Variants in PRR12 observed in about 807,000 individuals in gnomAD.
PRR12 encodes the protein proline-rich protein 12.
A neutral mutation model predicts 138.0 loss-of-function variants in PRR12; 12 were observed. The ratio of observed to expected loss-of-function variants is 0.09; its 90% CI spans 0.06 to 0.14. The LOEUF (loss-of-function observed/expected upper bound fraction) is 0.14, where lower values mean the gene tolerates loss of function less well. PRR12 is among the 10% of genes least tolerant of loss of function. PRR12 has a pLI of 1.00. For missense variants in PRR12, 2,692 were observed against 2,861.3 expected (o/e 0.94, Z 1.35); for synonymous variants, 1,567 against 1,291.7 (o/e 1.21, Z -4.57).
intron 11 of PRR12, among the ~76,000 whole-genome samples, chr19:49,622,920 TATATATATAG>T (rs990905592): frequency 4.7e-5 from 4 of 85,294 alleles, no homozygotes; most frequent in African/African-American, 2.3e-4. Context: ...TATATATATA[TATATATATAG>T]AGAGAGAGAG....
chr19:49,618,180 C>T (rs193060364), intron 9 of PRR12, among the ~76,000 whole-genome samples: 6 of 152,122 alleles, frequency 3.9e-5, no homozygotes, highest in Admixed American at 2.6e-4. Context: ...TCTTGTTGAC[C>T]GGCTGTTTGC....
chr19:49,614,467 C>T lies in PRR12; in HGVS notation c.4774-66C>T, dbSNP rs147945368. ...GGTGAGGGAAGCCAGTGGGCCAGGG[C>T]GTAGGGGCAGTAGGTCTAGGAATGA... On this transcript the variant is annotated intron_variant, in intron 6 of 13. Transcript: ENST00000418929. This position sits in a 1 kb window ranked among gnomAD's most constrained non-coding sequence, Gnocchi z 5.0. The T allele has an allele frequency of 1.9e-5, 22 of 1,179,468 alleles. No homozygotes were observed. In the East Asian group the frequency reaches 2.1e-4, roughly 11 times the overall value. The allele number at this position is 1,179,468 out of a possible 1,614,324, so 73.1% of individuals were successfully genotyped here. A position where few individuals can be genotyped will look rare whatever the true frequency, so the allele number is the denominator to read the frequency against.
At position 49,599,954 on chromosome 19, in the gene PRR12, G is replaced by A; in HGVS notation, c.4345+16G>A. On this transcript the variant is annotated intron_variant, in intron 5 of 13. Coordinates refer to ENST00000418929, the MANE Select transcript of PRR12 (RefSeq NM_020719.3). The surrounding 1 kb of genome is among the most constrained non-coding windows in gnomAD (Gnocchi z 5.0). ...GGCACTCCCGGTGAGCTCTGGGCAG[G>A]TGGTCTGGGAGTAGAGCTTAAAGGT... The A allele has an allele frequency of 6.3e-7, 1 of 1,578,694 alleles. No individual in the cohort carries two copies. The highest frequency in any genetic ancestry group is 2.3e-5 in the East Asian group (1 of 44,414).
chr19:49,594,794 C>T lies in PRR12; in HGVS notation c.459C>T (p.His153=), dbSNP rs757288794. The T allele has an allele frequency of 1.2e-6, 2 of 1,613,314 alleles. No individual in the cohort carries two copies. Among genetic ancestry groups the T allele is most frequent in the Non-Finnish European group, 1.7e-6 (2 of 1,179,782 alleles). The change falls in exon 4 of 14, where the codon CAC becomes CAT. Residue 153 remains histidine (H), a synonymous_variant. Transcript: ENST00000418929. The surrounding 1 kb of genome is among the most constrained non-coding windows in gnomAD (Gnocchi z 5.6). ...PSSSALSAYQ[H]PASFGSRPFP... The stretch of plus-strand genomic sequence containing the variant: ...CATCTGCCCTGTCGGCTTACCAACA[C>T]CCGGCTTCCTTCGGCAGCCGCCCCT...
At chr19:49,613,898 C>T (rs543030693) in intron 6 of PRR12, among the ~76,000 whole-genome samples, 3 of 152,230 alleles carry the variant, frequency 2.0e-5, no homozygotes, top group African/African-American at 2.4e-5. Flanking sequence ...CACCTGAGGT[C>T]GGGAGTTCAA....
intron 2 of PRR12, 141 bp downstream of exon 2, chr19:49,593,580 G>A: frequency 3.5e-6 from 2 of 568,188 alleles, no homozygotes; most frequent in South Asian, 4.2e-5. Flanking sequence ...CCTCTGATTG[G>A]TTGCCTTTGA....
In PRR12 at chr19:49,624,812, C is replaced by T. The variant is rs766262203; in HGVS notation, c.5722-32C>T. The stretch of plus-strand genomic sequence containing the variant: ...GGGTTTGGGGTTTATGGATCCAGGG[C>T]AGCATCCAGCTGACCCATTGGCTTC... On this transcript the variant is annotated intron_variant, in intron 11 of 13. Coordinates refer to ENST00000418929, the MANE Select transcript of PRR12 (RefSeq NM_020719.3). 6 of 1,602,244 alleles carry T rather than the reference C, an allele frequency of 3.7e-6. No homozygotes were observed. In the East Asian group the frequency reaches 1.3e-4, roughly 36 times the overall value.
At position 49,597,888 on chromosome 19, in the gene PRR12, G is replaced by C. The variant is rs1320517106; in HGVS notation, c.3553G>C (p.Ala1185Pro). ...CCGCCCCCTGGAGGTCCCGACCACT[G>C]CGGGGCCCGCCTCGGCCTCCACGCC... ...RIRPLEVPTT[A>P]GPASASTPTD... The change falls in exon 4 of 14, where the codon GCG becomes CCG. Residue 1185 changes from alanine (A) to proline (P), a missense_variant. By Grantham distance (27) the Ala-to-Pro change is conservative. Around this residue, in one of 11 missense-constraint regions of PRR12, gnomAD observed 326 missense variants for 344.2 expected, o/e 0.95. Transcript: ENST00000418929. This position sits in a 1 kb window ranked among gnomAD's most constrained non-coding sequence, Gnocchi z 6.3. 1 of 1,429,436 alleles carries C rather than the reference G, an allele frequency of 7.0e-7. No individual in the cohort carries two copies. The highest frequency in any genetic ancestry group is 1.5e-5 in the African/African-American group (1 of 67,580). The allele number at this position is 1,429,436 out of a possible 1,614,324, so 88.5% of individuals were successfully genotyped here. A position where few individuals can be genotyped will look rare whatever the true frequency, so the allele number is the denominator to read the frequency against.
Position 49,601,765 on chromosome 19 carries a change from G to A in PRR12, c.4620G>A (p.Leu1540=), listed in dbSNP as rs1306079345. The A allele has an allele frequency of 1.9e-6, 3 of 1,594,082 alleles. No homozygotes were observed. Among genetic ancestry groups the A allele is most frequent in the Non-Finnish European group, 1.7e-6 (2 of 1,172,636 alleles). ...CCCCGTCTCCCGAAGACCCCGAGCT[G>A]CCGGACACCCGGCCCCTGCATCTGG... is the stretch of plus-strand genomic sequence containing the variant. ...PAAPSPEDPE[L]PDTRPLHLAK... The change falls in exon 6 of 14, where the codon CTG becomes CTA. Residue 1540 remains leucine (L), a synonymous_variant. Transcript: ENST00000418929.
intron 6 of PRR12, among the ~76,000 whole-genome samples, chr19:49,605,272 G>GT (rs2080832666): frequency 6.6e-6 from 1 of 151,770 alleles, no homozygotes; most frequent in Non-Finnish European, 1.5e-5. Context: ...TCTTTTTTTT[G>GT]TTTGTTTGAG....
At chr19:49,622,928 T>TAGAGAGAG (rs1312571676) in intron 11 of PRR12, among the ~76,000 whole-genome samples, 3 of 77,756 alleles carry the variant, frequency 3.9e-5, no homozygotes, top group East Asian at 2.7e-4. Flanking sequence ...TATATATATA[T>TAGAGAGAG]AGAGAGAGAG....
Position 49,614,669 on chromosome 19 carries a change from C to T in PRR12, c.4890+20C>T. On this transcript the variant is annotated intron_variant, in intron 7 of 13. Transcript: ENST00000418929. This position sits in a 1 kb window ranked among gnomAD's most constrained non-coding sequence, Gnocchi z 5.0. ...AGTAATGTAAGCCTGCAAAGGGGAC[C>T]AAGGACTTGGGGGCCCCGGGGCGTG... 6.5e-7 allele frequency: 1 copy of T among 1,549,288 alleles called. No homozygotes were observed. The highest frequency in any genetic ancestry group is 8.7e-7 in the Non-Finnish European group (1 of 1,145,030).
Position 49,596,654 on chromosome 19 carries a change from T to C in PRR12, c.2319T>C (p.Ser773=). The C allele has an allele frequency of 1.9e-6, 3 of 1,601,600 alleles. No homozygotes were observed. Among genetic ancestry groups the C allele is most frequent in the Non-Finnish European group, 2.6e-6 (3 of 1,176,014 alleles). Residue 773 remains serine (S), a synonymous_variant, in exon 4 of 14, where the codon TCT becomes TCC. Transcript: ENST00000418929. The surrounding 1 kb of genome is among the most constrained non-coding windows in gnomAD (Gnocchi z 5.6). ...CGCCCCCACCTCCCACGGCCCAGTC[T>C]ACCCAGCCCACTCCCCATGGCCTCC... The part of the protein sequence containing the change: ...SPPPPPPTAQ[S]TQPTPHGLLL...
chr19:49,624,510 G>T (rs1395978434), intron 11 of PRR12, among the ~76,000 whole-genome samples: 29 of 146,388 alleles, frequency 2.0e-4, no homozygotes, highest in African/African-American at 7.2e-4. Flanking sequence ...GTTAGGATGG[G>T]GCTGAGAATT....
chr19:49,601,100 G>A (rs1204596922), intron 5 of PRR12, among the ~76,000 whole-genome samples: 1 of 152,178 alleles, frequency 6.6e-6, no homozygotes, highest in African/African-American at 2.4e-5. Context: ...ATACTGGTGA[G>A]CAGGCCAAGG....
Position 49,616,146 on chromosome 19 carries a change from C to T in PRR12, c.5424C>T (p.Asn1808=), listed in dbSNP as rs563050549. 8.3e-6 allele frequency: 13 copies of T among 1,565,444 alleles called. No homozygotes were observed. The East Asian group carries it at 9.5e-5, about 11-fold the overall frequency. ...AATGGCTGAAGGAGGCAGGCGGCAA[C>T]GCTACAGCAGGCGGGGGCCCACCAG... ...RKKWLKEAGG[N]ATAGGGPPGS... is the part of the protein sequence containing the mutation. Residue 1808 remains asparagine (N), a synonymous_variant, in exon 9 of 14, where the codon AAC becomes AAT. Transcript: ENST00000418929. This position sits in a 1 kb window ranked among gnomAD's most constrained non-coding sequence, Gnocchi z 4.2.
intron 2 of PRR12, among the ~76,000 whole-genome samples, 164 bp downstream of exon 2, chr19:49,593,603 C>G (rs1235182013): frequency 6.6e-6 from 1 of 152,110 alleles, no homozygotes; most frequent in Admixed American, 6.5e-5. Context: ...CTGCTGGTCG[C>G]TGCTTCATTT....
At chr19:49,591,839 G>C in intron 1 of PRR12, 99 bp downstream of exon 1, 1 of 639,052 alleles carries the variant, frequency 1.6e-6, no homozygotes, top group South Asian at 5.1e-5. Flanking sequence ...CGCGTGCATC[G>C]CAAACTCCCC....
intron 6 of PRR12, among the ~76,000 whole-genome samples, chr19:49,611,555 T>C (rs1292773614): frequency 6.7e-6 from 1 of 150,234 alleles, no homozygotes; most frequent in Non-Finnish European, 1.5e-5. Context: ...GGACAATCAC[T>C]TGAACCCAGG....
Sources: gnomAD v4.1 joint callset for allele counts (sites outside exome capture counted in the v4.1 genomes callset) on GRCh38, gnomAD v4.1.1 for gene constraint, gnomAD v4.1.1 regional missense constraint, Gnocchi (gnomAD v3.1) non-coding constraint, MANE v1.5 for transcripts, NCBI Gene and HGNC (gene_info 2026-07-23, HGNC 2026-07-21) for gene names.